Variants in SEMA3A observed in about 807,000 individuals in gnomAD.
The protein encoded by SEMA3A is semaphorin 3A.
In SEMA3A, 29 loss-of-function variants were observed where a neutral mutation model predicts 97.9. That is an observed-to-expected ratio of 0.30 (90% CI 0.22 to 0.40). SEMA3A has a LOEUF of 0.40. Ranked by LOEUF, SEMA3A falls within the 10% of genes least tolerant of loss-of-function variation. The probability of loss-of-function intolerance (pLI) is 1.00; values close to 1 mark genes in which losing one functional copy is unlikely to be tolerated. For synonymous variants in SEMA3A, 321 were observed against 323.7 expected, an observed-to-expected ratio of 0.99 and a Z score of 0.09; for missense variants, 763 against 951.3, an observed-to-expected ratio of 0.80 and a Z score of 2.60.
At chr7:84,083,491 C>T (rs1439640356) in intron 4 of SEMA3A, among the ~76,000 whole-genome samples, 1 of 151,776 alleles carries the variant, frequency 6.6e-6, no homozygotes, top group Non-Finnish European at 1.5e-5. Context: ...TTTTGAAATA[C>T]ACAATAAATT....
chr7:84,009,081 T>C (rs1584540806), intron 9 of SEMA3A, among the ~76,000 whole-genome samples: 2 of 152,348 alleles, frequency 1.3e-5, no homozygotes, highest in East Asian at 3.9e-4. Flanking sequence ...AGGTGGTCCC[T>C]AGACAAACAA....
At chr7:84,488,315 T>TACACACACAC (rs1408597815) in intron 1 of SEMA3A, among the ~76,000 whole-genome samples, 1,540 of 94,224 alleles carry the variant, frequency 0.016, 25 homozygotes, top group African/African-American at 0.062. Flanking sequence ...TTTCTTCGTA[T>TACACACACAC]ATACACACAC....
intron 2 of SEMA3A, among the ~76,000 whole-genome samples, chr7:84,322,670 A>T (rs1004648213): frequency 2.1e-4 from 32 of 152,188 alleles, no homozygotes; most frequent in Non-Finnish European, 3.4e-4. Flanking sequence ...ACTGCAAGTC[A>T]TTTAAACTTC....
At chr7:84,044,573 T>C (rs1397561433) in intron 6 of SEMA3A, among the ~76,000 whole-genome samples, 2 of 151,984 alleles carry the variant, frequency 1.3e-5, no homozygotes, top group African/African-American at 2.4e-5. Context: ...TAATGATAAA[T>C]ACTGCAAGAG....
Position 84,005,209 on chromosome 7 carries a change from A to AGTT in SEMA3A, c.1360+127_1360+129dup, listed in dbSNP as rs1790615965. 3.3e-5 allele frequency: 22 copies of AGTT among 665,434 alleles called. No homozygotes were observed. The Middle Eastern group carries it at 1.2e-3, about 37-fold the overall frequency. 41.2% of individuals were successfully genotyped at this position (665,434 alleles called of 1,614,324 possible). A position where few individuals can be genotyped will look rare whatever the true frequency, so the allele number is the denominator to read the frequency against. ...GTAGTTAAGTTTTGGGGAAATCAAA[A>AGTT]GTTAGTTATATGTGGATTTTCAACT... is the stretch of plus-strand genomic sequence containing the variant. On this transcript the variant is annotated intron_variant, in intron 11 of 16. Coordinates refer to ENST00000265362, the MANE Select transcript of SEMA3A (RefSeq NM_006080.3).
intron 4 of SEMA3A, among the ~76,000 whole-genome samples, chr7:84,075,395 G>C (rs1014257200): frequency 2.0e-5 from 3 of 151,132 alleles, no homozygotes; most frequent in Non-Finnish European, 4.4e-5. Flanking sequence ...CTGACCTCAG[G>C]TGATCCACCC....
At position 83,956,173 on chromosome 7, in the gene SEMA3A, GC is replaced by G. The variant is rs1788274902; in HGVS notation, c.*5197del. The G allele has an allele frequency of 6.6e-6, 1 of 152,142 alleles. No homozygotes were observed. Among genetic ancestry groups the G allele is most frequent in the Non-Finnish European group, 1.5e-5 (1 of 68,014 alleles). The allele number at this position is 152,142 out of a possible 1,614,324, so 9.4% of individuals were successfully genotyped here. On this transcript the variant is annotated 3_prime_UTR_variant, in exon 17 of 17. Coordinates refer to ENST00000265362, the MANE Select transcript of SEMA3A (RefSeq NM_006080.3). ...CCATGAATTACTCCATCTAAGGTAT[GC>G]CTTGAACAAATGCAGACTTCACATT...
chr7:84,041,445 G>C (rs1257428769), intron 6 of SEMA3A, among the ~76,000 whole-genome samples: 1 of 152,050 alleles, frequency 6.6e-6, no homozygotes, highest in East Asian at 1.9e-4. Flanking sequence ...ATGTTTCTGA[G>C]TAATAGATTC....
intron 5 of SEMA3A, among the ~76,000 whole-genome samples, chr7:84,053,005 C>G (rs1792754450): frequency 6.7e-6 from 1 of 150,214 alleles, no homozygotes; most frequent in Non-Finnish European, 1.5e-5. Flanking sequence ...TGTCCAGTTT[C>G]CATGTAGTTG....
chr7:83,978,162 C>A (rs1021511915), intron 14 of SEMA3A, among the ~76,000 whole-genome samples: 1 of 151,984 alleles, frequency 6.6e-6, no homozygotes, highest in Non-Finnish European at 1.5e-5. Flanking sequence ...TGATTGCAAA[C>A]CAATTTACCT....
intron 6 of SEMA3A, among the ~76,000 whole-genome samples, chr7:84,024,457 A>G (rs528356423): frequency 3.3e-5 from 5 of 152,018 alleles, no homozygotes; most frequent in African/African-American, 1.2e-4. Context: ...GAGGCACGAG[A>G]ATTGCTTGAA....
In SEMA3A at chr7:83,955,947, G is replaced by A. The variant is rs1232224713; in HGVS notation, c.*5424C>T. The A allele has an allele frequency of 6.6e-6, 1 of 152,070 alleles. No homozygotes were observed. Among genetic ancestry groups the A allele is most frequent in the Non-Finnish European group, 1.5e-5 (1 of 68,000 alleles). 9.4% of individuals were successfully genotyped at this position (152,070 alleles called of 1,614,324 possible). A position where few individuals can be genotyped will look rare whatever the true frequency, so the allele number is the denominator to read the frequency against. ...TAAACATTGTATATACAAGTATAGT[G>A]TTTAGATTAAAAGAAAGAAAATCCA... On this transcript the variant is annotated 3_prime_UTR_variant, in exon 17 of 17. Transcript: ENST00000265362.
At chr7:84,394,438 C>T (rs909033059) in intron 1 of SEMA3A, among the ~76,000 whole-genome samples, 21 of 152,148 alleles carry the variant, frequency 1.4e-4, no homozygotes, top group African/African-American at 4.6e-4. Flanking sequence ...GCATTGTTTG[C>T]TAGTCTTTAA....
intron 3 of SEMA3A, among the ~76,000 whole-genome samples, chr7:84,304,686 G>A (rs1801108887): frequency 6.6e-6 from 1 of 152,016 alleles, no homozygotes; most frequent in African/African-American, 2.4e-5. Flanking sequence ...GACACACCTT[G>A]GAATTCCAGT....
intron 1 of SEMA3A, among the ~76,000 whole-genome samples, chr7:84,175,099 AAAGT>A (rs1234273350): frequency 6.6e-6 from 1 of 152,132 alleles, no homozygotes; most frequent in Non-Finnish European, 1.5e-5. Context: ...CCAGTGATTA[AAAGT>A]AAGTAAGGGG....
chr7:84,345,764 T>G (rs1398786953), intron 2 of SEMA3A, among the ~76,000 whole-genome samples: 1 of 152,190 alleles, frequency 6.6e-6, no homozygotes, highest in Non-Finnish European at 1.5e-5. Context: ...TGCCATGACT[T>G]GCTCCACGGA....
chr7:84,306,806 T>C (rs1481306364), intron 3 of SEMA3A, among the ~76,000 whole-genome samples: 1 of 152,114 alleles, frequency 6.6e-6, no homozygotes, highest in Non-Finnish European at 1.5e-5. Context: ...ATAGTAACCA[T>C]ATGTGGGCCA....
Position 84,448,788 on chromosome 7 carries a change from GA to G in SEMA3A, c.-246+43671del, listed in dbSNP as rs111981216. 2.7e-3 allele frequency among the ~76,000 whole-genome samples: 371 copies of G among 139,886 alleles called. 1 individual carries two copies. The highest frequency in any genetic ancestry group is 7.8e-3 in the Middle Eastern group (2 of 256). The allele number at this position is 139,886 out of a possible 152,430, so 91.8% of individuals were successfully genotyped here. ...TTTGTTTGAAAATTCCATTTCCATA[GA>G]AAAAAAAAAAATCTAACATGTGCAT... On this transcript the variant is annotated intron_variant, in intron 1 of 3. Transcript: ENST00000424555.
chr7:83,967,492 C>T (rs1302420330), intron 15 of SEMA3A, among the ~76,000 whole-genome samples: 6 of 152,186 alleles, frequency 3.9e-5, no homozygotes, highest in South Asian at 2.1e-4. Flanking sequence ...TGGTGGCTCA[C>T]GCCTGTAATC....
Sources: gnomAD v4.1 joint callset for allele counts (sites outside exome capture counted in the v4.1 genomes callset) on GRCh38, gnomAD v4.1.1 for gene constraint, MANE v1.5 for transcripts, NCBI Gene and HGNC (gene_info 2026-07-23, HGNC 2026-07-21) for gene names.